MS4A3: variants seen among roughly 807,000 people sequenced by gnomAD.
MS4A3 encodes the protein membrane spanning 4-domains A3.
In MS4A3, 18 loss-of-function variants were observed where a neutral mutation model predicts 24.7. The observed-to-expected ratio is 0.73, with a 90% confidence interval of 0.50 to 1.08. The LOEUF is 1.08. MS4A3 is among the 50% of genes least tolerant of loss of function. The pLI, the probability that MS4A3 is intolerant of heterozygous loss-of-function variation, is 0.00. For synonymous variants in MS4A3, 84 were observed against 95.3 expected (o/e 0.88, Z 0.69); for missense variants, 282 against 251.7 (o/e 1.12, Z -0.82).
At chr11:60,061,393 T>C in intron 2 of MS4A3, 77 bp downstream of exon 2, 1 of 1,510,988 alleles carries the variant, frequency 6.6e-7, no homozygotes. Context: ...AACGTGCGTT[T>C]GAACTGTGAG....
intron 1 of MS4A3, among the ~76,000 whole-genome samples, chr11:60,060,499 A>G (rs1565061525): frequency 6.6e-6 from 1 of 152,154 alleles, no homozygotes. Context: ...GTACTCAGAA[A>G]GACGTCTTCT....
At chr11:60,060,601 G>A (rs1048936788) in intron 1 of MS4A3, among the ~76,000 whole-genome samples, 1 of 152,090 alleles carries the variant, frequency 6.6e-6, no homozygotes, top group Non-Finnish European at 1.5e-5. Flanking sequence ...TAAGCCATAT[G>A]AGTTTGGGTA....
At chr11:60,067,338 C>T (rs1246850354) in intron 5 of MS4A3, among the ~76,000 whole-genome samples, 1 of 151,806 alleles carries the variant, frequency 6.6e-6, no homozygotes, top group East Asian at 1.9e-4. Context: ...CTCAGCCTCC[C>T]GAGTAGCTGG....
intron 2 of MS4A3, 61 bp downstream of exon 2, chr11:60,061,377 G>A: frequency 1.3e-6 from 2 of 1,535,442 alleles, no homozygotes; most frequent in Non-Finnish European, 1.8e-6. Context: ...CAGTTGACCT[G>A]TGAATAACGT....
intron 5 of MS4A3, among the ~76,000 whole-genome samples, chr11:60,068,238 C>CTTTTTTT (rs71456407): frequency 9.6e-6 from 1 of 103,906 alleles, no homozygotes; most frequent in Admixed American, 1.2e-4. Context: ...ATAACCTTAC[C>CTTTTTTT]TTTTTTTTTT....
chr11:60,064,385 C>T, intron 4 of MS4A3, 67 bp downstream of exon 4: 2 of 1,201,086 alleles, frequency 1.7e-6, no homozygotes, highest in South Asian at 1.4e-5. Context: ...AACAGTAGGA[C>T]AGTAAGTGTC....
intron 6 of MS4A3, among the ~76,000 whole-genome samples, 166 bp from the exon 7 acceptor site, chr11:60,070,038 C>A (rs907425644): frequency 3.3e-5 from 5 of 151,976 alleles, no homozygotes; most frequent in Admixed American, 3.3e-4. Flanking sequence ...TCATTCTCTT[C>A]TAATGTTTGT....
In MS4A3 at chr11:60,056,714, C is replaced by A. The variant is rs145015818; in HGVS notation, c.-42C>A. 1.3e-5 allele frequency: 2 copies of A among 152,192 alleles called. No individual in the cohort carries two copies. Among genetic ancestry groups the A allele is most frequent in the African/African-American group, 4.8e-5 (2 of 41,444 alleles). The allele number at this position is 152,192 out of a possible 1,614,324, so 9.4% of individuals were successfully genotyped here. ...GACAAGGTGGACTTGGGAGGAAAGC[C>A]GTCTGCCAAAGCCTGAAGCCTCCAA... On this transcript the variant is annotated 5_prime_UTR_variant, in exon 1 of 7. Coordinates refer to ENST00000278865, the MANE Select transcript of MS4A3 (RefSeq NM_006138.5).
At chr11:60,059,528 G>A (rs567969921) in intron 1 of MS4A3, among the ~76,000 whole-genome samples, 2 of 151,904 alleles carry the variant, frequency 1.3e-5, no homozygotes, top group Non-Finnish European at 2.9e-5. Flanking sequence ...TATTTTTCCC[G>A]ATCTCCTCCC....
chr11:60,061,278 T>C lies in MS4A3; in HGVS notation c.118T>C (p.Ser40Pro), dbSNP rs1565062090. Residue 40 changes from serine to proline, a missense_variant, in exon 2 of 7, where the codon TCA becomes CCA. Transcript: ENST00000278865. The part of the protein sequence containing the change: ...NTSVYQPIDG[S>P]PDYQKAKLQV... ...TTCTGTCTACCAGCCCATAGATGGA[T>C]CACCAGATTATCAGAAAGCAAAATT... is the stretch of plus-strand genomic sequence containing the variant. The C allele has an allele frequency of 6.2e-7, 1 of 1,613,030 alleles. No homozygotes were observed. Among genetic ancestry groups the C allele is most frequent in the African/African-American group, 1.3e-5 (1 of 74,940 alleles).
At chr11:60,068,770 T>C (rs1047224039) in intron 5 of MS4A3, among the ~76,000 whole-genome samples, 1 of 152,146 alleles carries the variant, frequency 6.6e-6, no homozygotes, top group African/African-American at 2.4e-5. Flanking sequence ...TTGTTACATA[T>C]GTATACATGT....
chr11:60,064,314 C>T lies in MS4A3; in HGVS notation c.347C>T (p.Thr116Ile). 6.2e-7 allele frequency: 1 copy of T among 1,600,212 alleles called. No individual in the cohort carries two copies. Among genetic ancestry groups the T allele is most frequent in the Non-Finnish European group, 8.5e-7 (1 of 1,172,690 alleles). The stretch of plus-strand genomic sequence containing the variant: ...GTAGCAGGGATAAAACCCACAAGAA[C>T]ATGGGTAAGTAGCACTTCCTCTTTT... The part of the protein sequence containing the change: ...SVVAGIKPTR[T>I]WIQNSFGMNI... Residue 116 changes from threonine to isoleucine, a missense_variant, in exon 4 of 7, where the codon ACA (threonine) becomes ATA (isoleucine). Thr to Ile is a moderately conservative substitution (Grantham distance 89). Transcript: ENST00000278865.
At position 60,064,291 on chromosome 11, in the gene MS4A3, A is replaced by C. The variant is rs530336363; in HGVS notation, c.324A>C (p.Val108=). ...FFCSSGTLSV[V]AGIKPTRTWI... is the part of the protein sequence containing the mutation. ...GTAGTTCAGGAACCTTGTCTGTTGTAGCAGGGATAAAACCCACAAGAACAT... is the reference window on the plus strand; with the variant it reads ...GTAGTTCAGGAACCTTGTCTGTTGTCGCAGGGATAAAACCCACAAGAACAT... The change falls in exon 4 of 7, where the codon GTA becomes GTC. Residue 108 remains valine, a synonymous_variant. Transcript: ENST00000278865. 2.9e-5 allele frequency: 47 copies of C among 1,605,024 alleles called. No homozygotes were observed. In the South Asian group the frequency reaches 4.4e-4, roughly 15 times the overall value.
chr11:60,065,996 G>C (rs1855355324), intron 4 of MS4A3, among the ~76,000 whole-genome samples: 1 of 152,296 alleles, frequency 6.6e-6, no homozygotes. Context: ...AGACTGGCAT[G>C]TAAAGATCCA....
intron 5 of MS4A3, among the ~76,000 whole-genome samples, chr11:60,067,891 C>CA (rs1019358608): frequency 0.017 from 2,430 of 142,156 alleles, 34 homozygotes; most frequent in Non-Finnish European, 0.019. Flanking sequence ...ACTAAAAATA[C>CA]AAAAAAAAAA....
At chr11:60,061,091 G>C (rs777913838) in intron 1 of MS4A3, 55 bp from the exon 2 acceptor site, 1 of 1,483,998 alleles carries the variant, frequency 6.7e-7, no homozygotes, top group African/African-American at 1.4e-5. Flanking sequence ...CAAAATTTTA[G>C]TAGCTAGTGG....
intron 2 of MS4A3, among the ~76,000 whole-genome samples, chr11:60,061,788 A>G (rs895854735): frequency 2.6e-5 from 4 of 152,220 alleles, no homozygotes; most frequent in African/African-American, 7.2e-5. Context: ...TCAAGAGCCA[A>G]CTGTATCATG....
chr11:60,060,151 C>T (rs979521891), intron 1 of MS4A3, among the ~76,000 whole-genome samples: 1 of 152,150 alleles, frequency 6.6e-6, no homozygotes, highest in Non-Finnish European at 1.5e-5. Flanking sequence ...TATATATATA[C>T]AAACTTGAAG....
chr11:60,069,717 G>A, intron 6 of MS4A3, 42 bp downstream of exon 6: 3 of 1,434,946 alleles, frequency 2.1e-6, no homozygotes, highest in Non-Finnish European at 2.0e-6. Context: ...TGATCTCAAA[G>A]CCTCCCTGTA....
Sources: allele counts gnomAD v4.1 joint callset (sites outside exome capture counted in the v4.1 genomes callset), GRCh38; gene constraint gnomAD v4.1.1; transcripts MANE v1.5; gene names NCBI Gene and HGNC (gene_info 2026-07-23, HGNC 2026-07-21).